SLC7A10: variants seen among roughly 807,000 people sequenced by gnomAD.
The protein encoded by SLC7A10 is solute carrier family 7 member 10, also known as asc-type amino acid transporter 1.
Under a neutral mutation model 52.7 loss-of-function variants are expected in SLC7A10, and 30 were observed. The observed-to-expected ratio is 0.57, with a 90% CI of 0.43 to 0.77. The LOEUF is 0.77. Among genes scored for constraint, SLC7A10 ranks in the 30% least tolerant of loss-of-function variants. SLC7A10 has a pLI of 0.00. For synonymous variants in SLC7A10, 318 were observed against 314.9 expected (o/e 1.01, Z -0.10); for missense variants, 581 against 698.5 (o/e 0.83, Z 1.90).
Position 33,211,719 on chromosome 19 carries a change from C to T in SLC7A10, c.789-182G>A, listed in dbSNP as rs544611934. The T allele has an allele frequency of 1.6e-4, 177 of 1,138,566 alleles. No individual in the cohort carries two copies. The African/African-American group carries it at 2.3e-3, about 15-fold the overall frequency. The allele number at this position is 1,138,566 out of a possible 1,614,324, so 70.5% of individuals were successfully genotyped here. ...CCTGTTGTCTGCCCTGCCCCACCCC[C>T]ACCTGGACACAGGCTGGTAGGATGG... On this transcript the variant is annotated intron_variant, in intron 5 of 10. Coordinates refer to ENST00000253188, the MANE Select transcript of SLC7A10 (RefSeq NM_019849.3).
chr19:33,208,905 A>C lies in SLC7A10; in HGVS notation c.1558T>G (p.Ser520Ala). 3.2e-6 allele frequency: 4 copies of C among 1,242,600 alleles called. No homozygotes were observed. The highest frequency in any genetic ancestry group is 4.4e-6 in the Non-Finnish European group (4 of 908,486). 77.0% of individuals were successfully genotyped at this position (1,242,600 alleles called of 1,614,324 possible). ...PSLLPATDKPSKPQ is the reference protein window; with the variant it reads ...PSLLPATDKPAKPQ ...CTACAAAAATCTCATTGTGGCTTCG[A>C]GGGCTTGTCTGTGGCAGGCAGCAGG... Residue 520 changes from serine (S) to alanine (A), a missense_variant, in exon 11 of 11, where the codon TCG becomes GCG. Physicochemically the swap from Ser to Ala is moderately conservative, Grantham distance 99 (BLOSUM62 1). Transcript: ENST00000253188. This position sits in a 1 kb window ranked among gnomAD's most constrained non-coding sequence, Gnocchi z 4.7.
Position 33,225,813 on chromosome 19 carries a change from C to T in SLC7A10, c.-110G>A. On this transcript the variant is annotated 5_prime_UTR_variant, in exon 1 of 11. Transcript: ENST00000253188. The stretch of plus-strand genomic sequence containing the variant: ...CGGCCCTCGCAGCCGGGACAGCGCC[C>T]ACAGGCGGGCGCATGCGCTGGCTCC... 1 of 1,238,262 alleles carries T rather than the reference C, an allele frequency of 8.1e-7. No individual in the cohort carries two copies. The highest frequency in any genetic ancestry group is 3.5e-5 in the East Asian group (1 of 28,822). The allele number at this position is 1,238,262 out of a possible 1,614,324, so 76.7% of individuals were successfully genotyped here.
Position 33,212,575 on chromosome 19 carries a change from T to C in SLC7A10, c.573A>G (p.Thr191=). Residue 191 remains threonine (T), a synonymous_variant, in exon 4 of 11, where the codon ACA becomes ACG. Coordinates refer to ENST00000253188, the MANE Select transcript of SLC7A10 (RefSeq NM_019849.3). The part of the protein sequence containing the change: ...RWATRIQDMF[T]GGKLLALSLI... ...GGGACAAGGCCAGCAGCTTCCCGCC[T>C]GTGAACATGTCCTGGATGCGCGTGG... The C allele has an allele frequency of 1.2e-6, 2 of 1,614,026 alleles. No individual in the cohort carries two copies. Among genetic ancestry groups the C allele is most frequent in the South Asian group, 1.1e-5 (1 of 91,092 alleles).
rs377504071 is a variant in SLC7A10 at position 33,209,467 on chromosome 19, C to T, written c.1282G>A (p.Val428Met). The change falls in exon 10 of 11, where the codon GTG (valine) becomes ATG (methionine). Residue 428 changes from valine to methionine, a missense_variant. By Grantham distance (21) the Val-to-Met change is conservative (BLOSUM62 1). Transcript: ENST00000253188. ...AAGGCCCAGAAGACCAAGTACGCCACGGGGATGAGAAGGTTCACCTGGGGA... is the reference window on the plus strand; with the variant it reads ...AAGGCCCAGAAGACCAAGTACGCCATGGGGATGAGAAGGTTCACCTGGGGA... ...RPIKVNLLIP[V>M]AYLVFWAFLL... 3.1e-5 allele frequency: 50 copies of T among 1,613,758 alleles called. 1 individual carries two copies. In the Admixed American group the frequency reaches 4.2e-4, roughly 13 times the overall value.
intron 1 of SLC7A10, among the ~76,000 whole-genome samples, chr19:33,219,705 G>A (rs1974773262): frequency 6.6e-6 from 1 of 152,240 alleles, no homozygotes; most frequent in African/African-American, 2.4e-5. Flanking sequence ...GAAACAGTCT[G>A]CTCAGGGAAC....
At chr19:33,211,894 T>A in intron 5 of SLC7A10, 1 of 471,434 alleles carries the variant, frequency 2.1e-6, no homozygotes, top group Non-Finnish European at 3.9e-6. Flanking sequence ...CCTGGAACTT[T>A]CCAGTCCCAG....
At chr19:33,211,829 G>A (rs1487941971) in intron 5 of SLC7A10, 18 of 516,522 alleles carry the variant, frequency 3.5e-5, no homozygotes, top group Non-Finnish European at 5.9e-5. Context: ...GCCAAAATCA[G>A]CCTGGAAAAT....
intron 5 of SLC7A10, 54 bp downstream of exon 5, chr19:33,212,238 G>C: frequency 6.4e-7 from 1 of 1,560,654 alleles, no homozygotes; most frequent in Non-Finnish European, 8.7e-7. Flanking sequence ...GAGGCTGCCT[G>C]TCCCACCAGA....
At chr19:33,215,583 A>ACCTCCACACCTTCTCTCCATCCAG (rs1974654702) in intron 2 of SLC7A10, among the ~76,000 whole-genome samples, 186 bp downstream of exon 2, 1 of 106,282 alleles carries the variant, frequency 9.4e-6, no homozygotes, top group Non-Finnish European at 1.9e-5. Flanking sequence ...GCTGTCCAGC[A>ACCTCCACACCTTCTCTCCATCCAG]CCCCCACACC....
At chr19:33,211,131 G>A (rs752482898) in intron 7 of SLC7A10, 94 bp downstream of exon 7, 15 of 1,238,594 alleles carry the variant, frequency 1.2e-5, no homozygotes, top group Middle Eastern at 1.9e-4. Context: ...CCCCTCCCCC[G>A]GCAGGTGTCC....
chr19:33,216,055 C>A lies in SLC7A10; in HGVS notation c.152-82G>T, dbSNP rs559807642. On this transcript the variant is annotated intron_variant, in intron 1 of 10. Coordinates refer to ENST00000253188, the MANE Select transcript of SLC7A10 (RefSeq NM_019849.3). ...TTCTGTGTGGGGATCTGCCTGCTGC[C>A]AGGAGGAAGACAGCCCGGGGTGCTT... 5.3e-6 allele frequency: 7 copies of A among 1,316,718 alleles called. No individual in the cohort carries two copies. In the East Asian group the frequency reaches 1.5e-4, roughly 29 times the overall value. The allele number at this position is 1,316,718 out of a possible 1,614,324, so 81.6% of individuals were successfully genotyped here.
chr19:33,210,895 C>T lies in SLC7A10; in HGVS notation c.1020G>A (p.Leu340=). 2 of 1,613,290 alleles carry T rather than the reference C, an allele frequency of 1.2e-6. No individual in the cohort carries two copies. Among genetic ancestry groups the T allele is most frequent in the Non-Finnish European group, 1.7e-6 (2 of 1,179,988 alleles). The part of the protein sequence containing the change: ...INGYLFTYSR[L]CFSGAREGHL... ...GCCCCTCGCGGGCTCCAGAGAAGCACAGCCTAGCGTTGGGGACAGATATGG... is the reference window on the plus strand; with the variant it reads ...GCCCCTCGCGGGCTCCAGAGAAGCATAGCCTAGCGTTGGGGACAGATATGG... Residue 340 remains leucine, a synonymous_variant, in exon 8 of 11, where the codon CTG becomes CTA. Coordinates refer to ENST00000253188, the MANE Select transcript of SLC7A10 (RefSeq NM_019849.3). This position sits in a 1 kb window ranked among gnomAD's most constrained non-coding sequence, Gnocchi z 5.6.
At chr19:33,223,831 G>A (rs768955216) in intron 1 of SLC7A10, among the ~76,000 whole-genome samples, 7 of 152,230 alleles carry the variant, frequency 4.6e-5, no homozygotes, top group Non-Finnish European at 1.0e-4. Context: ...GAAGGGTAGG[G>A]GAGCTGTCAG....
chr19:33,212,809 A>C, intron 3 of SLC7A10, 42 bp downstream of exon 3: 1 of 1,609,806 alleles, frequency 6.2e-7, no homozygotes, highest in Non-Finnish European at 8.5e-7. Context: ...GAGCCCGGGC[A>C]GGTGGCTGAT....
At chr19:33,211,016 C>T in intron 7 of SLC7A10, 118 bp from the exon 8 acceptor site, 1 of 1,056,142 alleles carries the variant, frequency 9.5e-7, no homozygotes, top group Non-Finnish European at 1.4e-6. Context: ...CCCCACTGGA[C>T]AGTTCTCCCC....
intron 5 of SLC7A10, 155 bp downstream of exon 5, chr19:33,212,137 C>T (rs894036849): frequency 3.4e-5 from 37 of 1,080,578 alleles, no homozygotes; most frequent in East Asian, 5.2e-5. Flanking sequence ...GCAAGCCCCC[C>T]GGCTTTCTTC....
rs1974669620 is a variant in SLC7A10, at chr19:33,215,883, A to G, written c.242T>C (p.Leu81Pro). Residue 81 changes from leucine (L) to proline (P), a missense_variant, in exon 2 of 11, where the codon CTG (leucine) becomes CCG (proline). Coordinates refer to ENST00000253188, the MANE Select transcript of SLC7A10 (RefSeq NM_019849.3). ...GCCCAGAGCCGTCACGCCCCCACCC[A>G]GGACCCAGACGAACAGGGCCAGACC... ...SVGLALFVWV[L>P]GGGVTALGSL... 2 of 1,610,442 alleles carry G rather than the reference A, an allele frequency of 1.2e-6. No individual in the cohort carries two copies. Among genetic ancestry groups the G allele is most frequent in the South Asian group, 1.1e-5 (1 of 90,138 alleles).
In SLC7A10 at chr19:33,213,017, G is replaced by A; in HGVS notation, c.357-15C>T. On this transcript the variant is annotated splice_polypyrimidine_tract_variant and intron_variant, in intron 2 of 10. Transcript: ENST00000253188. ...GCAGCAGAAAGCTGGAAGGAGCAGG[G>A]GCGGGAGTGGCTCAAGCTGCCCAGA... 1.3e-6 allele frequency: 2 copies of A among 1,582,266 alleles called. No individual in the cohort carries two copies. The highest frequency in any genetic ancestry group is 1.7e-6 in the Non-Finnish European group (2 of 1,164,446).
Position 33,211,762 on chromosome 19 carries a change from C to A in SLC7A10, c.789-225G>T, listed in dbSNP as rs1277561294. 8.7e-6 allele frequency: 6 copies of A among 688,204 alleles called. No homozygotes were observed. In the African/African-American group the frequency reaches 1.1e-4, roughly 12 times the overall value. 42.6% of individuals were successfully genotyped at this position (688,204 alleles called of 1,614,324 possible). A position where few individuals can be genotyped will look rare whatever the true frequency, so the allele number is the denominator to read the frequency against. On this transcript the variant is annotated intron_variant, in intron 5 of 10. Coordinates refer to ENST00000253188, the MANE Select transcript of SLC7A10 (RefSeq NM_019849.3). ...TAGGATGGGAGATGGGGGAGGGGCC[C>A]CATCACATCCTGAGGACAGGGTCTG...
Sources: gnomAD v4.1 joint callset for allele counts (sites outside exome capture counted in the v4.1 genomes callset) on GRCh38, gnomAD v4.1.1 for gene constraint, Gnocchi (gnomAD v3.1) non-coding constraint, MANE v1.5 for transcripts, NCBI Gene and HGNC (gene_info 2026-07-23, HGNC 2026-07-21) for gene names.